Variants in WDR45 observed in about 807,000 individuals in gnomAD.
WDR45 encodes WD repeat domain 45.
WDR45 carries 2 observed loss-of-function variants against 27.3 expected under a neutral mutation model. That is an observed-to-expected ratio of 0.07 (90% confidence interval 0.03 to 0.23). The LOEUF (loss-of-function observed/expected upper bound fraction) is 0.23. WDR45 is among the 10% of genes least tolerant of loss of function. WDR45 has a pLI of 1.00. For synonymous variants in WDR45, 99 were observed against 119.2 expected (o/e 0.83, Z 1.11); for missense variants, 175 against 311.9 (o/e 0.56, Z 3.31).
At chrX:49,084,924 C>T (rs192893307) in intron 2 of WDR45, among the ~76,000 whole-genome samples, 11 of 111,718 alleles carry the variant, frequency 9.8e-5, no homozygotes, top group African/African-American at 2.6e-4. Flanking sequence ...TGTGAGCCAC[C>T]GCGCCCGGCT....
chrX:49,088,559 A>G (rs1488809437), intron 2 of WDR45, among the ~76,000 whole-genome samples: 1 of 112,494 alleles, frequency 8.9e-6, no homozygotes, highest in Non-Finnish European at 1.9e-5. Flanking sequence ...ACATGGACAC[A>G]CATTAGGCAA....
At chrX:49,080,888 A>ATTTT (rs782319738), upstream of WDR45, among the ~76,000 whole-genome samples, 3 of 42,398 alleles carry the variant, frequency 7.1e-5, no homozygotes, top group African/African-American at 1.8e-4. Flanking sequence ...ACTGGAAGGA[A>ATTTT]TTTTTTTTTT....
intron 4 of WDR45, chrX:49,077,154 C>T: frequency 5.1e-6 from 1 of 196,766 alleles, no homozygotes; most frequent in South Asian, 1.0e-4. Context: ...CAACTCCTGC[C>T]TTGTCCAGAT....
chrX:49,093,964 C>T (rs782572772), intron 2 of WDR45, among the ~76,000 whole-genome samples: 157 of 110,307 alleles, frequency 1.4e-3, no homozygotes, highest in Non-Finnish European at 2.0e-3. Flanking sequence ...GCCTCAGCAT[C>T]CCCAGTAGCT....
chrX:49,096,889 G>A (rs1217299302), intron 2 of WDR45, among the ~76,000 whole-genome samples: 1 of 112,114 alleles, frequency 8.9e-6, no homozygotes, highest in East Asian at 2.8e-4. Flanking sequence ...AAGTAGCTGG[G>A]ACTACAGGTG....
Position 49,076,469 on chromosome X carries a change from G to C in WDR45, c.397C>G (p.Arg133Gly). 8.3e-7 allele frequency: 1 copy of C among 1,211,824 alleles called. No individual in the cohort carries two copies. The highest frequency in any genetic ancestry group is 1.1e-6 in the Non-Finnish European group (1 of 895,554). ...IYVYSFPDNPRKLFEFDTRDN... is the reference protein window; with the variant it reads ...IYVYSFPDNPGKLFEFDTRDN... ...CGGGTATCAAACTCAAACAGCTTTCGGGGATTGTCGGGGAAGGAGTACACA... is the reference window on the plus strand; with the variant it reads ...CGGGTATCAAACTCAAACAGCTTTCCGGGATTGTCGGGGAAGGAGTACACA... The change falls in exon 6 of 11, where the codon CGA becomes GGA. Residue 133 changes from arginine (R) to glycine (G), a missense_variant. Around this residue, in one of 3 missense-constraint regions of WDR45, gnomAD observed 102 missense variants for 165.4 expected, o/e 0.62. Coordinates refer to ENST00000376372, the MANE Select transcript of WDR45 (RefSeq NM_001029896.2).
At chrX:49,087,642 G>A (rs891662280) in intron 2 of WDR45, among the ~76,000 whole-genome samples, 41 of 112,563 alleles carry the variant, frequency 3.6e-4, no homozygotes, top group African/African-American at 1.1e-3. Flanking sequence ...GGAACCAGGA[G>A]GAACTAGCAA....
At chrX:49,099,092 G>C (rs1449226233) in intron 2 of WDR45, among the ~76,000 whole-genome samples, 2 of 111,952 alleles carry the variant, frequency 1.8e-5, no homozygotes, top group East Asian at 5.6e-4. Context: ...GGGAGGCCCA[G>C]GTGGGTGGAT....
intron 2 of WDR45, among the ~76,000 whole-genome samples, chrX:49,088,560 C>T (rs887536210): frequency 8.9e-6 from 1 of 112,301 alleles, no homozygotes; most frequent in Admixed American, 9.5e-5. Context: ...CATGGACACA[C>T]ATTAGGCAAA....
intron 2 of WDR45, among the ~76,000 whole-genome samples, chrX:49,099,259 G>A (rs2065136634): frequency 1.9e-5 from 2 of 107,794 alleles, no homozygotes; most frequent in South Asian, 8.1e-4. Flanking sequence ...GGGAGGCAGA[G>A]GTTGCAGTGA....
upstream of WDR45, among the ~76,000 whole-genome samples, chrX:49,082,971 C>G (rs2065073360): frequency 1.8e-5 from 2 of 110,012 alleles, no homozygotes; most frequent in Admixed American, 2.0e-4. Flanking sequence ...CCTCCGCCTC[C>G]CGGGTTCAAG....
chrX:49,081,497 T>G (rs1254415174), upstream of WDR45, among the ~76,000 whole-genome samples: 2 of 95,883 alleles, frequency 2.1e-5, no homozygotes, highest in African/African-American at 8.0e-5. Context: ...ACCACTGCAC[T>G]CCAGCCTGGG....
chrX:49,081,523 CTG>C (rs2065066988), upstream of WDR45, among the ~76,000 whole-genome samples: 1 of 95,142 alleles, frequency 1.1e-5, no homozygotes, highest in African/African-American at 3.9e-5. Flanking sequence ...GAGTGAGACT[CTG>C]TCTCGAAAAA....
intron 2 of WDR45, among the ~76,000 whole-genome samples, chrX:49,090,920 G>A (rs1322788705): frequency 9.4e-6 from 1 of 106,012 alleles, no homozygotes; most frequent in Non-Finnish European, 1.9e-5. Flanking sequence ...TGCAACCTCT[G>A]CCTCCCAGGT....
At chrX:49,087,265 G>A (rs782735582) in intron 2 of WDR45, among the ~76,000 whole-genome samples, 4 of 110,650 alleles carry the variant, frequency 3.6e-5, no homozygotes, top group Non-Finnish European at 5.7e-5. Context: ...GCTGAGGCAC[G>A]AGAATCTCTT....
rs907513595 is a variant in WDR45 at position 49,076,090 on chromosome X, G to T, written c.437-145C>A. The T allele has an allele frequency of 5.9e-6, 3 of 507,566 alleles. No homozygotes were observed. In the Admixed American group the frequency reaches 1.1e-4, roughly 18 times the overall value. The allele number at this position is 507,566 out of a possible 1,213,427, so 41.8% of individuals were successfully genotyped here. ...CTGAGGGGGCTCAGCTCAGCTGCACGCCCCGCCAGCTAGGCAGATTCCATT... is the reference window on the plus strand; with the variant it reads ...CTGAGGGGGCTCAGCTCAGCTGCACTCCCCGCCAGCTAGGCAGATTCCATT... On this transcript the variant is annotated intron_variant, in intron 6 of 10. Transcript: ENST00000376372.
intron 4 of WDR45, 159 bp from the exon 5 acceptor site, chrX:49,076,909 A>T (rs2065041571): frequency 2.1e-6 from 1 of 466,900 alleles, no homozygotes; most frequent in Admixed American, 3.4e-5. Context: ...GCACTTGTGG[A>T]TATGATCCCT....
chrX:49,080,734 C>T (rs1172062271), upstream of WDR45, among the ~76,000 whole-genome samples: 1 of 108,312 alleles, frequency 9.2e-6, no homozygotes, highest in African/African-American at 3.4e-5. Flanking sequence ...TAAGCTACCA[C>T]GCCCGGCCTC....
chrX:49,092,485 C>CTATTATGTCCTAAAAAAAT (rs2065111079), intron 2 of WDR45, among the ~76,000 whole-genome samples: 1 of 109,879 alleles, frequency 9.1e-6, no homozygotes, highest in Non-Finnish European at 1.9e-5. Flanking sequence ...AAAATAGTAG[C>CTATTATGTCCTAAAAAAAT]AGTTTAGAAA....
Sources: allele counts gnomAD v4.1 joint callset (sites outside exome capture counted in the v4.1 genomes callset), GRCh38; gene constraint gnomAD v4.1.1; regional missense constraint gnomAD v4.1.1; transcripts MANE v1.5; gene names NCBI Gene and HGNC (gene_info 2026-07-23, HGNC 2026-07-21).